DNAH14: variants seen among roughly 807,000 people sequenced by gnomAD.
DNAH14 encodes the protein axonemal beta dynein heavy chain 14.
In DNAH14, 478 loss-of-function variants were observed where a neutral mutation model predicts 520.9. The observed-to-expected ratio is 0.92, with a 90% confidence interval of 0.85 to 0.99. DNAH14 has a LOEUF of 0.99. Among genes scored for constraint, DNAH14 ranks in the 50% least tolerant of loss-of-function variants. The pLI is 0.00. For synonymous variants in DNAH14, 1,581 were observed against 1,757.2 expected, an observed-to-expected ratio of 0.90 and a Z score of 2.51; for missense variants, 4,831 against 5,234.5, an observed-to-expected ratio of 0.92 and a Z score of 2.38.
At chr1:224,980,384 G>A (rs1046179715) in intron 8 of DNAH14, among the ~76,000 whole-genome samples, 14 of 152,192 alleles carry the variant, frequency 9.2e-5, no homozygotes, top group Admixed American at 5.2e-4. Flanking sequence ...TGGCCACGGG[G>A]ATTTCCTCTG....
At chr1:225,149,682 T>C (rs2080298083) in intron 31 of DNAH14, among the ~76,000 whole-genome samples, 1 of 152,196 alleles carries the variant, frequency 6.6e-6, no homozygotes, top group East Asian at 1.9e-4. Context: ...GTGGCAACAG[T>C]GAATGGGATT....
chr1:224,947,183 G>T (rs1358107790), intron 1 of DNAH14, among the ~76,000 whole-genome samples: 1 of 152,098 alleles, frequency 6.6e-6, no homozygotes, highest in Non-Finnish European at 1.5e-5. Context: ...CTCCGAAAGT[G>T]CTGGGATTAC....
intron 52 of DNAH14, among the ~76,000 whole-genome samples, chr1:225,275,302 A>G (rs2093439994): frequency 6.6e-6 from 1 of 152,212 alleles, no homozygotes; most frequent in Non-Finnish European, 1.5e-5. Context: ...ATTACAACCT[A>G]AGAAGTGCAA....
intron 23 of DNAH14, among the ~76,000 whole-genome samples, chr1:225,102,246 T>G (rs1314734986): frequency 6.6e-6 from 1 of 152,090 alleles, no homozygotes; most frequent in Non-Finnish European, 1.5e-5. Context: ...CTGCATAGTA[T>G]TCCATGGTAT....
chr1:225,069,806 T>A (rs1319550071), intron 17 of DNAH14, among the ~76,000 whole-genome samples: 1 of 152,202 alleles, frequency 6.6e-6, no homozygotes, highest in Non-Finnish European at 1.5e-5. Context: ...TTTGTTCATC[T>A]GGTAGAATTC....
intron 27 of DNAH14, among the ~76,000 whole-genome samples, chr1:225,126,803 G>A (rs1218646625): frequency 6.6e-6 from 1 of 151,916 alleles, no homozygotes; most frequent in African/African-American, 2.4e-5. Context: ...TGATGTTAGG[G>A]TGTCAATTTT....
chr1:224,949,100 T>TA (rs1385970407), intron 1 of DNAH14, among the ~76,000 whole-genome samples: 3 of 152,148 alleles, frequency 2.0e-5, no homozygotes, highest in East Asian at 1.9e-4. Context: ...TTTATCTGGT[T>TA]AAAAAAACAC....
chr1:225,367,201 A>G (rs1050900317), intron 76 of DNAH14, among the ~76,000 whole-genome samples: 2 of 152,122 alleles, frequency 1.3e-5, no homozygotes, highest in Non-Finnish European at 2.9e-5. Context: ...CACACTCTCA[A>G]AAAAGCCCTC....
At chr1:224,959,781 A>G (rs2060731209) in intron 3 of DNAH14, among the ~76,000 whole-genome samples, 1 of 152,158 alleles carries the variant, frequency 6.6e-6, no homozygotes, top group African/African-American at 2.4e-5. Context: ...TTCAAAAACC[A>G]CAGTTACTTT....
At chr1:224,992,845 T>G (rs1474520296) in intron 8 of DNAH14, among the ~76,000 whole-genome samples, 1 of 152,044 alleles carries the variant, frequency 6.6e-6, no homozygotes, top group African/African-American at 2.4e-5. Flanking sequence ...GCAGCCTCAT[T>G]ATATATGGCC....
At chr1:225,059,362 T>G (rs1187525462) in intron 17 of DNAH14, among the ~76,000 whole-genome samples, 1 of 152,236 alleles carries the variant, frequency 6.6e-6, no homozygotes, top group African/African-American at 2.4e-5. Context: ...TGCCTTTTTT[T>G]GTTTTCCATT....
chr1:225,123,478 C>T (rs2077446245), intron 26 of DNAH14, 49 bp from the exon 27 acceptor site: 1 of 326,928 alleles, frequency 3.1e-6, no homozygotes, highest in Non-Finnish European at 6.5e-6. Flanking sequence ...TAAATGGCCA[C>T]AATCAATGAT....
intron 58 of DNAH14, among the ~76,000 whole-genome samples, chr1:225,305,387 C>A (rs948578666): frequency 1.3e-5 from 2 of 152,160 alleles, no homozygotes; most frequent in African/African-American, 4.8e-5. Flanking sequence ...GAGTGCCACT[C>A]CCCATGTCCT....
At chr1:224,997,728 C>CT (rs906416148) in intron 8 of DNAH14, among the ~76,000 whole-genome samples, 78 of 149,668 alleles carry the variant, frequency 5.2e-4, no homozygotes, top group African/African-American at 1.7e-3. Flanking sequence ...ATTCAATTTT[C>CT]TTTTTTTTTC....
chr1:225,182,634 G>A (rs1051831714), intron 36 of DNAH14, among the ~76,000 whole-genome samples: 7 of 152,130 alleles, frequency 4.6e-5, no homozygotes, highest in Non-Finnish European at 2.9e-5. Flanking sequence ...CAGGCAGCAC[G>A]GAGCCCAGGG....
rs138668098 is a variant in DNAH14 at position 225,086,144 on chromosome 1, A to T, written c.3573+355A>T. On this transcript the variant is annotated intron_variant, in intron 21 of 85. Coordinates refer to ENST00000682510, the MANE Select transcript of DNAH14 (RefSeq NM_001367479.1). ...AATAATAATAATAATTATTATTATT[A>T]TTTTTTGAGACAGAGTCTTACTCCG... Among the ~76,000 whole-genome samples the T allele has an allele frequency of 2.8e-4, 43 of 151,114 alleles. No individual in the cohort carries two copies. In the East Asian group the frequency reaches 7.8e-3, roughly 27 times the overall value.
intron 53 of DNAH14, among the ~76,000 whole-genome samples, chr1:225,277,175 T>A: frequency 6.6e-6 from 1 of 151,394 alleles, no homozygotes; most frequent in East Asian, 2.0e-4. Context: ...CTTCATTCTC[T>A]TCTCTCAATT....
chr1:225,187,279 G>A (rs951646700), intron 37 of DNAH14, among the ~76,000 whole-genome samples: 5 of 151,580 alleles, frequency 3.3e-5, no homozygotes, highest in Non-Finnish European at 7.4e-5. Context: ...ATCACCCCAG[G>A]AGAACACCCC....
chr1:225,046,133 A>C (rs1269550974), intron 15 of DNAH14, among the ~76,000 whole-genome samples: 2 of 151,458 alleles, frequency 1.3e-5, no homozygotes, highest in Non-Finnish European at 2.9e-5. Context: ...ATAAATATAC[A>C]TAGGTATGTA....
Sources: allele counts gnomAD v4.1 joint callset (sites outside exome capture counted in the v4.1 genomes callset), GRCh38; gene constraint gnomAD v4.1.1; transcripts MANE v1.5; gene names NCBI Gene and HGNC (gene_info 2026-07-23, HGNC 2026-07-21).